Variants in ESR1 observed in about 807,000 individuals in gnomAD.
The protein encoded by ESR1 is estrogen receptor.
Under a neutral mutation model 52.7 loss-of-function variants are expected in ESR1, and 12 were observed. The ratio of observed to expected loss-of-function variants is 0.23; its 90% CI spans 0.15 to 0.37. The LOEUF (loss-of-function observed/expected upper bound fraction) is 0.37. Ranked by LOEUF, ESR1 falls within the 10% of genes least tolerant of loss-of-function variation. The pLI is 1.00. For missense variants in ESR1, 584 were observed against 779.7 expected (o/e 0.75, Z 2.99); for synonymous variants, 305 against 316.8 (o/e 0.96, Z 0.39).
At chr6:151,837,107 C>T (rs1321436449) in intron 1 of ESR1, among the ~76,000 whole-genome samples, 4 of 148,472 alleles carry the variant, frequency 2.7e-5, no homozygotes, top group Admixed American at 1.4e-4. Context: ...ATATGAATAC[C>T]TTCAGACATC....
chr6:152,100,841 A>G lies in ESR1; in HGVS notation c.*1875A>G, dbSNP rs1273870052. The G allele has an allele frequency of 1.3e-5, 3 of 230,210 alleles. No individual in the cohort carries two copies. Among genetic ancestry groups the G allele is most frequent in the Non-Finnish European group, 2.6e-5 (3 of 116,242 alleles). 14.3% of individuals were successfully genotyped at this position (230,210 alleles called of 1,614,324 possible). Reference sequence around the variant, plus strand: ...AATTTTATGTATCTGTGTTAAGGATATGTTTAAGAACATAATTCTTTTGTT... The same window carrying G: ...AATTTTATGTATCTGTGTTAAGGATGTGTTTAAGAACATAATTCTTTTGTT... On this transcript the variant is annotated 3_prime_UTR_variant, in exon 8 of 8. Transcript: ENST00000206249.
exon 7 of ESR1, chr6:152,127,449 CTATTA>C (rs1337758794): frequency 1.3e-5 from 2 of 152,178 alleles, no homozygotes; most frequent in Non-Finnish European, 2.9e-5. Flanking sequence ...CAGCTTATCA[CTATTA>C]TCTGTATAAT....
In ESR1 at chr6:151,791,215, C is replaced by A. The variant is rs570265069; in HGVS notation, c.-70-16628C>A. Among the ~76,000 whole-genome samples, 278 of 152,254 alleles carry A rather than the reference C, an allele frequency of 1.8e-3. 1 individual carries two copies. The highest frequency in any genetic ancestry group is 6.5e-3 in the African/African-American group (270 of 41,534). On this transcript the variant is annotated intron_variant, in intron 2 of 2. Transcript: ENST00000404742. Reference sequence around the variant, plus strand: ...GGCTGTGACCTCGCTCAAATCTCATCTTGAATTGTAGCTCCCATAATTCCC... The same window carrying A: ...GGCTGTGACCTCGCTCAAATCTCATATTGAATTGTAGCTCCCATAATTCCC...
At chr6:151,960,741 A>T (rs139697337) in intron 4 of ESR1, among the ~76,000 whole-genome samples, 119 of 152,308 alleles carry the variant, frequency 7.8e-4, no homozygotes, top group African/African-American at 2.8e-3. Context: ...GGTTGAGAAG[A>T]CATCCAAAGG....
chr6:152,120,162 G>A (rs1349544051), intron 6 of ESR1, among the ~76,000 whole-genome samples: 1 of 152,222 alleles, frequency 6.6e-6, no homozygotes, highest in Non-Finnish European at 1.5e-5. Context: ...TGCTTCTGAA[G>A]TCTCTTTGCG....
chr6:152,072,434 G>A (rs964948381), intron 6 of ESR1, among the ~76,000 whole-genome samples: 8 of 152,130 alleles, frequency 5.3e-5, no homozygotes, highest in Non-Finnish European at 1.0e-4. Context: ...TTCTAGGGAA[G>A]GACAACCTCT....
chr6:152,120,779 A>G lies in ESR1; in HGVS notation c.851-4487A>G, dbSNP rs1001273312. ...AAGCCCGGGACTTGGAAAATCTAGCAAACCCCAGGAACCCTAGTTGAGATG... is the reference window on the plus strand; with the variant it reads ...AAGCCCGGGACTTGGAAAATCTAGCGAACCCCAGGAACCCTAGTTGAGATG... On this transcript the variant is annotated intron_variant, in intron 6 of 6. Coordinates refer to the ESR1 transcript ENST00000427531. Among the ~76,000 whole-genome samples the G allele has an allele frequency of 2.6e-5, 4 of 152,274 alleles. No homozygotes were observed. The South Asian group carries it at 8.3e-4, about 32-fold the overall frequency.
chr6:151,746,059 G>T (rs1783454976), intron 2 of ESR1, among the ~76,000 whole-genome samples: 1 of 152,144 alleles, frequency 6.6e-6, no homozygotes, highest in East Asian at 1.9e-4. Context: ...TTTCAGGGCT[G>T]AATAATACTC....
At chr6:151,665,889 G>T (rs993899812) in intron 1 of ESR1, among the ~76,000 whole-genome samples, 2 of 152,202 alleles carry the variant, frequency 1.3e-5, no homozygotes, top group African/African-American at 4.8e-5. Flanking sequence ...ATCATTTTAG[G>T]TATTTTATTT....
intron 2 of ESR1, among the ~76,000 whole-genome samples, chr6:151,749,087 T>C (rs1055251406): frequency 6.7e-6 from 1 of 149,212 alleles, no homozygotes; most frequent in Non-Finnish European, 1.5e-5. Context: ...GGACATGAAA[T>C]AGAGGCAAGT....
chr6:152,065,687 T>C (rs1479865111), intron 6 of ESR1, among the ~76,000 whole-genome samples: 1 of 152,080 alleles, frequency 6.6e-6, no homozygotes, highest in Non-Finnish European at 1.5e-5. Flanking sequence ...CAACCGTAGG[T>C]CCTCTTTTTC....
At position 152,102,020 on chromosome 6, in the gene ESR1, C is replaced by CA. The variant is rs1196687058; in HGVS notation, c.*3055dup. 2.3e-5 allele frequency: 5 copies of CA among 214,652 alleles called. No homozygotes were observed. Among genetic ancestry groups the CA allele is most frequent in the African/African-American group, 4.5e-5 (2 of 44,278 alleles). 13.3% of individuals were successfully genotyped at this position (214,652 alleles called of 1,614,324 possible). On this transcript the variant is annotated 3_prime_UTR_variant, in exon 8 of 8. Transcript: ENST00000206249. ...GCTTGCCGTAATGATTCTATAATGCCATCATGCAGCAATTATGAGAGGCTA... is the reference window on the plus strand; with the variant it reads ...GCTTGCCGTAATGATTCTATAATGCCAATCATGCAGCAATTATGAGAGGCTA...
intron 2 of ESR1, among the ~76,000 whole-genome samples, chr6:151,869,495 G>C (rs1320577458): frequency 6.6e-6 from 1 of 152,198 alleles, no homozygotes. Context: ...ATTACAATGA[G>C]ATGGTGGTCA....
intron 7 of ESR1, among the ~76,000 whole-genome samples, chr6:152,097,641 G>A (rs565374278): frequency 6.6e-6 from 1 of 152,264 alleles, no homozygotes; most frequent in Admixed American, 6.5e-5. Flanking sequence ...CAGTAGTGTG[G>A]TGGGGCAGCA....
chr6:152,085,637 T>G (rs559199556), intron 6 of ESR1, among the ~76,000 whole-genome samples: 2 of 152,114 alleles, frequency 1.3e-5, no homozygotes, highest in East Asian at 3.9e-4. Flanking sequence ...CTGTCTGATA[T>G]CCCAGCATAG....
intron 2 of ESR1, among the ~76,000 whole-genome samples, chr6:151,704,561 G>A (rs753342189): frequency 1.3e-5 from 2 of 152,168 alleles, no homozygotes. Flanking sequence ...GGCCACAAAA[G>A]TCAATTCTTA....
In ESR1 at chr6:152,099,233, C is replaced by T; in HGVS notation, c.*267C>T. The T allele has an allele frequency of 1.9e-6, 1 of 517,736 alleles. No homozygotes were observed. Among genetic ancestry groups the T allele is most frequent in the South Asian group, 2.0e-5 (1 of 49,130 alleles). 32.1% of individuals were successfully genotyped at this position (517,736 alleles called of 1,614,324 possible). The stretch of plus-strand genomic sequence containing the variant: ...GCTATGTTACTAAGCGTGAGGATTC[C>T]CGTAGCTCTTCACAGCTGAACTCAG... On this transcript the variant is annotated 3_prime_UTR_variant, in exon 8 of 8. Coordinates refer to ENST00000206249, the MANE Select transcript of ESR1 (RefSeq NM_000125.4).
chr6:151,861,917 A>G (rs1673556355), intron 2 of ESR1, among the ~76,000 whole-genome samples: 1 of 152,158 alleles, frequency 6.6e-6, no homozygotes. Context: ...AAGTTATATG[A>G]TGTGAAGAAA....
At chr6:152,052,806 G>A (rs1362388551) in intron 5 of ESR1, among the ~76,000 whole-genome samples, 3 of 152,028 alleles carry the variant, frequency 2.0e-5, no homozygotes, top group Non-Finnish European at 4.4e-5. Context: ...CAGACAGCAC[G>A]GGCAAGTGTT....
Sources: allele counts gnomAD v4.1 joint callset (sites outside exome capture counted in the v4.1 genomes callset), GRCh38; gene constraint gnomAD v4.1.1; transcripts MANE v1.5; gene names NCBI Gene and HGNC (gene_info 2026-07-23, HGNC 2026-07-21).